Variants in HEATR4 observed in about 807,000 individuals in gnomAD.
HEATR4 encodes HEAT repeat-containing protein 4.
HEATR4 carries 95 observed loss-of-function variants against 108.8 expected under a neutral mutation model. The observed-to-expected ratio is 0.87, with a 90% CI of 0.74 to 1.04. The LOEUF is 1.04. Among genes scored for constraint, HEATR4 ranks in the 50% least tolerant of loss-of-function variants. The pLI is 0.00. For missense variants in HEATR4, 1,152 were observed against 1,253.8 expected, an observed-to-expected ratio of 0.92 and a Z score of 1.23; for synonymous variants, 443 against 459.4, an observed-to-expected ratio of 0.96 and a Z score of 0.46.
At chr14:73,573,497 T>A in the HEATR4 span, 1 of 1,613,736 alleles carries the variant, frequency 6.2e-7, no homozygotes, top group South Asian at 1.1e-5. Context: ...TGGCTCTGGC[T>A]TATTATAACT....
chr14:73,506,808 T>G (rs1297941545), intron 9 of HEATR4, among the ~76,000 whole-genome samples: 1 of 111,380 alleles, frequency 9.0e-6, no homozygotes, highest in African/African-American at 4.7e-5. Flanking sequence ...TTAACTGTTT[T>G]TTTTTTTTTT....
At chr14:73,612,386 G>A in the HEATR4 span, 11 of 424,266 alleles carry the variant, frequency 2.6e-5, no homozygotes, top group Non-Finnish European at 2.4e-5. Context: ...CTTTCATTTG[G>A]GACACTGGTG....
intron 1 of HEATR4, among the ~76,000 whole-genome samples, chr14:73,550,663 C>G (rs1348324810): frequency 9.0e-6 from 1 of 111,474 alleles, no homozygotes; most frequent in African/African-American, 2.9e-5. Context: ...CTCTCTCTCA[C>G]AGTATACAGT....
intron 5 of HEATR4, among the ~76,000 whole-genome samples, chr14:73,517,788 G>T (rs1201452275): frequency 6.6e-6 from 1 of 151,358 alleles, no homozygotes; most frequent in African/African-American, 2.4e-5. Context: ...AGGAAGGGAG[G>T]AAGGAGAAAA....
chr14:73,577,983 T>C, the HEATR4 span, among the ~76,000 whole-genome samples: 1 of 151,818 alleles, frequency 6.6e-6, no homozygotes, highest in African/African-American at 2.4e-5. Flanking sequence ...CCCAAGTAGC[T>C]GGGAATACAG....
chr14:73,496,788 T>C, intron 14 of HEATR4, 109 bp from the exon 15 acceptor site: 1 of 675,232 alleles, frequency 1.5e-6, no homozygotes, highest in Admixed American at 2.5e-5. Context: ...GTTCCAATCC[T>C]AACTGTGCAG....
chr14:73,598,996 T>A, the HEATR4 span, among the ~76,000 whole-genome samples: 3 of 151,766 alleles, frequency 2.0e-5, no homozygotes, highest in Admixed American at 1.3e-4. Context: ...ACAGCGAGAC[T>A]GTCTCAAAAA....
At position 73,553,097 on chromosome 14, in the gene HEATR4, C is replaced by T. The variant is rs530263207; in HGVS notation, c.-152+5654G>A. Among the ~76,000 whole-genome samples, 8 of 116,044 alleles carry T rather than the reference C, an allele frequency of 6.9e-5. 3 individuals are homozygous for T. The East Asian group carries it at 5.5e-3, about 80-fold the overall frequency. 76.1% of individuals were successfully genotyped at this position (116,044 alleles called of 152,430 possible). On this transcript the variant is annotated intron_variant, in intron 1 of 17. Transcript: ENST00000553558. ...GGCCTAGGTCAGGGCAAGGACAGGT[C>T]AGCACCAGGGCTGGTGCCCCACCCC...
chr14:73,517,942 T>C (rs1387645356), intron 5 of HEATR4, among the ~76,000 whole-genome samples: 2 of 151,940 alleles, frequency 1.3e-5, no homozygotes, highest in Non-Finnish European at 2.9e-5. Context: ...AAAAATTAGC[T>C]GGGTGTGGTG....
rs1887436225 is a variant in HEATR4 at position 73,514,059 on chromosome 14, C to T, written c.1386G>A (p.Leu462=). The change falls in exon 6 of 18, where the codon CTG becomes CTA. Residue 462 remains leucine (L), a synonymous_variant. Coordinates refer to ENST00000553558, the MANE Select transcript of HEATR4 (RefSeq NM_001220484.1). ...GAGCCCAGGCAGTCTTCCATTCCTT[C>T]AGCATCCTCCGCAGGACCACCAGTT... is the stretch of plus-strand genomic sequence containing the variant. ...TWELVVLRRM[L]KEWKTAWALI... is the part of the protein sequence containing the mutation. 1 of 1,614,224 alleles carries T rather than the reference C, an allele frequency of 6.2e-7. No individual in the cohort carries two copies. Among genetic ancestry groups the T allele is most frequent in the African/African-American group, 1.3e-5 (1 of 75,062 alleles).
intron 1 of HEATR4, among the ~76,000 whole-genome samples, chr14:73,535,935 G>A (rs1489748867): frequency 2.6e-5 from 3 of 116,240 alleles, no homozygotes; most frequent in African/African-American, 5.6e-5. Context: ...CAGAAAATCA[G>A]TTAAATTCTC....
chr14:73,592,072 T>G, the HEATR4 span: 2 of 1,484,034 alleles, frequency 1.3e-6, no homozygotes, highest in Non-Finnish European at 1.8e-6. Flanking sequence ...CGCGCGTCCC[T>G]GCGCGACGAG....
intron 7 of HEATR4, among the ~76,000 whole-genome samples, chr14:73,509,832 A>ATT (rs1887101991): frequency 2.7e-5 from 1 of 37,582 alleles, no homozygotes; most frequent in Admixed American, 2.1e-4. Context: ...ATATATATAT[A>ATT]TATATATATA....
At chr14:73,537,887 C>T (rs1888926248) in intron 1 of HEATR4, 1 of 1,189,172 alleles carries the variant, frequency 8.4e-7, no homozygotes, top group Non-Finnish European at 1.1e-6. Context: ...AGGTGACTCA[C>T]CTCCGCTAAT....
chr14:73,478,932 G>T (rs993265643), intron 17 of HEATR4, 90 bp from the exon 18 acceptor site: 2 of 953,046 alleles, frequency 2.1e-6, no homozygotes, highest in African/African-American at 1.7e-5. Flanking sequence ...TGGCTATAGG[G>T]TGTCTCCTTT....
the HEATR4 span, among the ~76,000 whole-genome samples, chr14:73,576,153 C>G: frequency 7.9e-5 from 12 of 151,654 alleles, no homozygotes; most frequent in Non-Finnish European, 1.6e-4. Flanking sequence ...TGGGCAACAG[C>G]AAGACTCTGC....
At chr14:73,587,056 G>T in the HEATR4 span, among the ~76,000 whole-genome samples, 1 of 151,756 alleles carries the variant, frequency 6.6e-6, no homozygotes, top group East Asian at 1.9e-4. Context: ...AGTTTTATGG[G>T]GATATTACCA....
At chr14:73,612,719 G>T in the HEATR4 span, 58 of 1,382,844 alleles carry the variant, frequency 4.2e-5, no homozygotes, top group Non-Finnish European at 5.0e-5. Flanking sequence ...CCGGGCCCAC[G>T]CGCGCTACCG....
the HEATR4 span, chr14:73,594,996 CA>C: frequency 6.3e-7 from 1 of 1,594,240 alleles, no homozygotes; most frequent in South Asian, 1.1e-5. Flanking sequence ...TGAGCCACCG[CA>C]CCCAATCTGG....
Sources: gnomAD v4.1 joint callset for allele counts (sites outside exome capture counted in the v4.1 genomes callset) on GRCh38, gnomAD v4.1.1 for gene constraint, MANE v1.5 for transcripts, NCBI Gene and HGNC (gene_info 2026-07-23, HGNC 2026-07-21) for gene names.